HIGD1A: variants seen among roughly 807,000 people sequenced by gnomAD.
HIGD1A encodes HIG1 hypoxia inducible domain family member 1A, also known as HIG1 domain family member 1A, mitochondrial.
In HIGD1A, 8 loss-of-function variants were observed where a neutral mutation model predicts 11.3. The observed-to-expected ratio is 0.71, with a 90% CI of 0.42 to 1.28. The LOEUF is 1.28. HIGD1A is among the 50% of genes most tolerant of loss of function. The pLI, the probability that HIGD1A is intolerant of heterozygous loss-of-function variation, is 0.01. For synonymous variants in HIGD1A, 32 were observed against 38.4 expected (o/e 0.83, Z 0.62); for missense variants, 107 against 118.8 (o/e 0.90, Z 0.46).
chr3:42,784,563 G>A lies in HIGD1A; in HGVS notation c.*708C>T, dbSNP rs1575356025. 6.6e-6 allele frequency: 1 copy of A among 152,590 alleles called. No homozygotes were observed. Among genetic ancestry groups the A allele is most frequent in the Non-Finnish European group, 1.5e-5 (1 of 68,038 alleles). The allele number at this position is 152,590 out of a possible 1,614,324, so 9.5% of individuals were successfully genotyped here. ...TTAAAACGTGTTCATTTACCTTTGC[G>A]TGAGTGCTTAAAATACATATTTCTA... is the stretch of plus-strand genomic sequence containing the variant. On this transcript the variant is annotated 3_prime_UTR_variant, in exon 4 of 4. Transcript: ENST00000321331.
chr3:42,802,896 C>A (rs2125596584), intron 1 of HIGD1A, among the ~76,000 whole-genome samples: 1 of 152,266 alleles, frequency 6.6e-6, no homozygotes, highest in East Asian at 1.9e-4. Context: ...GATAAGAATT[C>A]TGATTAGAAA....
In HIGD1A at chr3:42,798,595, G is replaced by A. The variant is rs1453677819; in HGVS notation, c.-22-4320C>T. 5.9e-4 allele frequency among the ~76,000 whole-genome samples: 2 copies of A among 3,402 alleles called. 1 individual carries two copies. Among genetic ancestry groups the A allele is most frequent in the African/African-American group, 6.3e-4 (2 of 3,178 alleles). 2.2% of individuals were successfully genotyped at this position (3,402 alleles called of 152,430 possible). A position where few individuals can be genotyped will look rare whatever the true frequency, so the allele number is the denominator to read the frequency against. On this transcript the variant is annotated intron_variant, in intron 1 of 3. Coordinates refer to ENST00000321331, the MANE Select transcript of HIGD1A (RefSeq NM_014056.4). ...GAGGAGCCCCTCTGGCTGGCCAGCC[G>A]CCCCGTCCGGGAGGGAGGTGGGGGG...
intron 2 of HIGD1A, among the ~76,000 whole-genome samples, chr3:42,787,590 C>CAAAAAAAAAAAA (rs375399059): frequency 8.6e-6 from 1 of 115,946 alleles, no homozygotes; most frequent in Non-Finnish European, 1.7e-5. Flanking sequence ...GACTCCATCT[C>CAAAAAAAAAAAA]AAAAATATAT....
rs552394138 is a variant in HIGD1A, at chr3:42,799,366, A to G, written c.-23+5070T>C. Among the ~76,000 whole-genome samples, 93 of 151,942 alleles carry G rather than the reference A, an allele frequency of 6.1e-4. 1 individual carries two copies. The highest frequency in any genetic ancestry group is 9.1e-4 in the Non-Finnish European group (62 of 67,956). ...CACGACTCCTAAACCATAATTTCTA[A>G]TCTGTGGCTAATTCATTAAACCTAC... On this transcript the variant is annotated intron_variant, in intron 1 of 3. Transcript: ENST00000321331.
At chr3:42,786,434 C>G (rs1700351497) in intron 2 of HIGD1A, among the ~76,000 whole-genome samples, 1 of 152,144 alleles carries the variant, frequency 6.6e-6, no homozygotes. Flanking sequence ...AGGGAATTAA[C>G]AGGAACCTAG....
intron 1 of HIGD1A, among the ~76,000 whole-genome samples, chr3:42,798,483 G>T (rs1575364087): frequency 5.1e-4 from 1 of 1,952 alleles, no homozygotes; most frequent in African/African-American, 6.4e-4. Flanking sequence ...CCGGGAGGGA[G>T]GTGGGGGGGG....
intron 2 of HIGD1A, among the ~76,000 whole-genome samples, chr3:42,792,612 T>C (rs1035143293): frequency 6.7e-6 from 1 of 149,768 alleles, no homozygotes; most frequent in Non-Finnish European, 1.5e-5. Flanking sequence ...AGGCGGAGCT[T>C]GCAGTGAGCC....
chr3:42,791,926 G>C (rs1375120632), intron 2 of HIGD1A, among the ~76,000 whole-genome samples: 1 of 152,002 alleles, frequency 6.6e-6, no homozygotes. Context: ...ATAGATCACT[G>C]TTACAAAACA....
At chr3:42,786,447 T>G (rs1435551886) in intron 2 of HIGD1A, among the ~76,000 whole-genome samples, 1 of 152,190 alleles carries the variant, frequency 6.6e-6, no homozygotes, top group Non-Finnish European at 1.5e-5. Context: ...GAACCTAGAT[T>G]ATGATTATCA....
intron 3 of HIGD1A, 114 bp from the exon 4 acceptor site, chr3:42,785,434 A>T (rs934912163): frequency 2.6e-6 from 2 of 775,006 alleles, no homozygotes; most frequent in African/African-American, 3.5e-5. Flanking sequence ...GAATATTTAC[A>T]AGGGGAATAA....
intron 1 of HIGD1A, among the ~76,000 whole-genome samples, chr3:42,795,723 G>GA (rs35403872): frequency 0.27 from 38,992 of 141,958 alleles, 5,956 homozygotes; most frequent in East Asian, 0.69. Context: ...AAGGGGATAG[G>GA]AAAAAAAAAA....
At chr3:42,794,543 G>C (rs891156267) in intron 1 of HIGD1A, among the ~76,000 whole-genome samples, 11 of 152,074 alleles carry the variant, frequency 7.2e-5, no homozygotes, top group Non-Finnish European at 1.5e-4. Flanking sequence ...ATTAAAAATA[G>C]TGAAAAATTT....
chr3:42,801,162 C>T (rs1377899275), intron 1 of HIGD1A, among the ~76,000 whole-genome samples: 1 of 152,182 alleles, frequency 6.6e-6, no homozygotes, highest in Non-Finnish European at 1.5e-5. Flanking sequence ...GCTGTTGGAA[C>T]TGTAGTGTTT....
intron 2 of HIGD1A, among the ~76,000 whole-genome samples, chr3:42,791,071 C>CA (rs1040769771): frequency 1.3e-5 from 2 of 152,156 alleles, no homozygotes; most frequent in African/African-American, 4.8e-5. Context: ...ATCAAAGCAA[C>CA]AAAATACATA....
intron 2 of HIGD1A, among the ~76,000 whole-genome samples, chr3:42,789,314 AT>A (rs1250733754): frequency 6.6e-6 from 1 of 152,118 alleles, no homozygotes; most frequent in Non-Finnish European, 1.5e-5. Flanking sequence ...AAGTGCTGGG[AT>A]TATAGGTGTG....
rs988119526 is a variant in HIGD1A at position 42,787,621 on chromosome 3, A to G, written c.98-1459T>C. Among the ~76,000 whole-genome samples the G allele has an allele frequency of 3.4e-5, 5 of 146,230 alleles. No individual in the cohort carries two copies. The Admixed American group carries it at 3.4e-4, about 10-fold the overall frequency. On this transcript the variant is annotated intron_variant, in intron 2 of 3. Coordinates refer to ENST00000321331, the MANE Select transcript of HIGD1A (RefSeq NM_014056.4). ...TATATATATATATATATATATATATAAATTTTTAAAGTCATAAAACTTTAA... is the reference window on the plus strand; with the variant it reads ...TATATATATATATATATATATATATGAATTTTTAAAGTCATAAAACTTTAA...
intron 2 of HIGD1A, among the ~76,000 whole-genome samples, chr3:42,787,245 T>C (rs1291307598): frequency 6.6e-6 from 1 of 151,882 alleles, no homozygotes; most frequent in African/African-American, 2.4e-5. Context: ...AATGTAAAGA[T>C]AACCACCAGC....
At chr3:42,785,661 A>G (rs1700340530) in intron 3 of HIGD1A, among the ~76,000 whole-genome samples, 1 of 152,242 alleles carries the variant, frequency 6.6e-6, no homozygotes, top group Admixed American at 6.5e-5. Flanking sequence ...TAAAGCCAAT[A>G]GAAGAAGCAT....
rs1017012331 is a variant in HIGD1A at position 42,794,087 on chromosome 3, A to T, written c.97+70T>A. The T allele has an allele frequency of 7.7e-6, 11 of 1,430,978 alleles. No individual in the cohort carries two copies. The South Asian group carries it at 1.1e-4, about 14-fold the overall frequency. The allele number at this position is 1,430,978 out of a possible 1,614,324, so 88.6% of individuals were successfully genotyped here. On this transcript the variant is annotated intron_variant, in intron 2 of 3. Transcript: ENST00000321331. ...AAAATGGAAAATACATTCTTTCAGG[A>T]TATTGCTAAATGAACAAATTATCAC...
Sources: gnomAD v4.1 joint callset for allele counts (sites outside exome capture counted in the v4.1 genomes callset) on GRCh38, gnomAD v4.1.1 for gene constraint, MANE v1.5 for transcripts, NCBI Gene and HGNC (gene_info 2026-07-23, HGNC 2026-07-21) for gene names.